CPD: variants seen among roughly 807,000 people sequenced by gnomAD.
The protein encoded by CPD is carboxypeptidase D, also known as metallocarboxypeptidase D.
Under a neutral mutation model 138.3 loss-of-function variants are expected in CPD, and 69 were observed. That is an observed-to-expected ratio of 0.50 (90% CI 0.41 to 0.61). The LOEUF is 0.61. Ranked by LOEUF, CPD falls within the 20% of genes least tolerant of loss-of-function variation. CPD has a pLI of 0.00. For missense variants in CPD, 1,432 were observed against 1,733.3 expected, an observed-to-expected ratio of 0.83 and a Z score of 3.09; for synonymous variants, 651 against 642.1, an observed-to-expected ratio of 1.01 and a Z score of -0.21.
intron 9 of CPD, 115 bp downstream of exon 9, chr17:30,439,192 G>T: frequency 1.7e-6 from 1 of 593,908 alleles, no homozygotes; most frequent in Non-Finnish European, 2.9e-6. Flanking sequence ...TTTAAAACAT[G>T]GTTTAAATAG....
chr17:30,444,925 C>A (rs1181811996), intron 11 of CPD, among the ~76,000 whole-genome samples: 2 of 151,844 alleles, frequency 1.3e-5, no homozygotes, highest in Non-Finnish European at 2.9e-5. Flanking sequence ...TGGGTTAGAA[C>A]CTCACACTAA....
rs1912448492 is a variant in CPD at position 30,427,490 on chromosome 17, C to A, written c.1949C>A (p.Pro650Gln). 1 of 1,614,108 alleles carries A rather than the reference C, an allele frequency of 6.2e-7. No individual in the cohort carries two copies. Among genetic ancestry groups the A allele is most frequent in the Non-Finnish European group, 8.5e-7 (1 of 1,180,000 alleles). Residue 650 changes from proline to glutamine, a missense_variant, in exon 7 of 21, where the codon CCA (proline) becomes CAA (glutamine). Around this residue, in one of 6 missense-constraint regions of CPD, gnomAD observed 297 missense variants for 405.3 expected, o/e 0.73. Transcript: ENST00000225719. Reference protein sequence around the residue: ...QFVQITDPTQPETIAVMSWMK... With the variant: ...QFVQITDPTQQETIAVMSWMK... ...GTTCAGATCACAGATCCTACGCAAC[C>A]AGAAACTATTGCTGTAATGAGCTGG...
intron 8 of CPD, among the ~76,000 whole-genome samples, chr17:30,433,961 G>T (rs1198991100): frequency 6.6e-6 from 1 of 152,124 alleles, no homozygotes. Flanking sequence ...AAATGAGGAA[G>T]GTGATAATTA....
At chr17:30,383,044 A>G (rs1323300944) in intron 1 of CPD, among the ~76,000 whole-genome samples, 2 of 152,220 alleles carry the variant, frequency 1.3e-5, no homozygotes, top group Admixed American at 6.5e-5. Flanking sequence ...TAGAATTACA[A>G]ACCAGAGAGT....
intron 20 of CPD, among the ~76,000 whole-genome samples, chr17:30,464,296 G>A (rs1213342982): frequency 2.0e-5 from 3 of 151,988 alleles, no homozygotes; most frequent in African/African-American, 4.8e-5. Flanking sequence ...GGCTGAGGTG[G>A]GAGGATTACA....
At chr17:30,427,637 G>A (rs918598321) in intron 7 of CPD, 79 bp downstream of exon 7, 48 of 1,304,988 alleles carry the variant, frequency 3.7e-5, no homozygotes, top group Non-Finnish European at 4.8e-5. Flanking sequence ...TCTGTTTGTA[G>A]TGTTATGCTT....
chr17:30,428,190 A>G (rs934791845), intron 7 of CPD, among the ~76,000 whole-genome samples: 1 of 152,202 alleles, frequency 6.6e-6, no homozygotes, highest in Non-Finnish European at 1.5e-5. Flanking sequence ...ATACCTCCAT[A>G]TAATTTAGCA....
chr17:30,457,522 G>A (rs1380641283), intron 17 of CPD, among the ~76,000 whole-genome samples: 2 of 152,094 alleles, frequency 1.3e-5, no homozygotes, highest in African/African-American at 2.4e-5. Context: ...GAATTGCCTG[G>A]TTATATTGTA....
chr17:30,460,922 A>G (rs181754900), intron 17 of CPD, among the ~76,000 whole-genome samples: 1 of 152,352 alleles, frequency 6.6e-6, no homozygotes, highest in Non-Finnish European at 1.5e-5. Flanking sequence ...TCTACCTGGC[A>G]CTACCAGGCA....
intron 2 of CPD, among the ~76,000 whole-genome samples, chr17:30,400,054 C>T (rs971998399): frequency 1.3e-5 from 2 of 152,006 alleles, no homozygotes; most frequent in African/African-American, 2.4e-5. Context: ...TAGAGTTGGG[C>T]CTTGTTTTTT....
At chr17:30,457,392 C>T (rs1325168381) in intron 17 of CPD, among the ~76,000 whole-genome samples, 1 of 152,054 alleles carries the variant, frequency 6.6e-6, no homozygotes, top group Non-Finnish European at 1.5e-5. Context: ...TACTTTTTGG[C>T]TGTTGCAAAT....
intron 1 of CPD, chr17:30,380,638 A>G (rs1272907358): frequency 6.6e-6 from 10 of 1,514,344 alleles, no homozygotes; most frequent in Non-Finnish European, 7.9e-6. Context: ...ATAAATATTT[A>G]TGAGGTATGT....
At chr17:30,407,869 T>C (rs1441207566) in intron 2 of CPD, among the ~76,000 whole-genome samples, 1 of 152,216 alleles carries the variant, frequency 6.6e-6, no homozygotes. Context: ...GCTTTTGGTG[T>C]TTTAGTCATG....
At chr17:30,419,611 G>A (rs1254595638) in intron 2 of CPD, among the ~76,000 whole-genome samples, 2 of 152,056 alleles carry the variant, frequency 1.3e-5, no homozygotes, top group Non-Finnish European at 2.9e-5. Context: ...AAAGTGCTAG[G>A]ATTACAGGCA....
intron 9 of CPD, among the ~76,000 whole-genome samples, chr17:30,440,616 C>G (rs1338096089): frequency 6.7e-6 from 1 of 149,222 alleles, no homozygotes. Context: ...CCAGTTTCAG[C>G]TTTCTACATA....
chr17:30,438,917 A>ATT (rs139485558), intron 8 of CPD, 58 bp from the exon 9 acceptor site: 270 of 1,024,220 alleles, frequency 2.6e-4, no homozygotes, highest in Non-Finnish European at 3.4e-4. Flanking sequence ...TCTTTCCAGT[A>ATT]TTTTTTTTTG....
At chr17:30,414,390 A>G (rs2143393468) in intron 2 of CPD, among the ~76,000 whole-genome samples, 1 of 152,240 alleles carries the variant, frequency 6.6e-6, no homozygotes, top group Middle Eastern at 3.4e-3. Flanking sequence ...CCTGGCCAAC[A>G]TGGTGAAACC....
chr17:30,469,388 C>T lies in CPD; in HGVS notation c.*4574C>T, dbSNP rs543233822. The T allele has an allele frequency of 6.6e-6, 1 of 152,284 alleles. No individual in the cohort carries two copies. Among genetic ancestry groups the T allele is most frequent in the South Asian group, 2.1e-4 (1 of 4,832 alleles). The allele number at this position is 152,284 out of a possible 1,614,324, so 9.4% of individuals were successfully genotyped here. A position where few individuals can be genotyped will look rare whatever the true frequency, so the allele number is the denominator to read the frequency against. ...GACCTTGTACAAGTTTCTTGACATT[C>T]TCTGAGCCTCAGTTTCTCTACTGGT... On this transcript the variant is annotated 3_prime_UTR_variant, in exon 21 of 21. Transcript: ENST00000225719.
chr17:30,408,431 A>G (rs1475933911), intron 2 of CPD, among the ~76,000 whole-genome samples: 1 of 152,134 alleles, frequency 6.6e-6, no homozygotes, highest in African/African-American at 2.4e-5. Context: ...GATTCTTCCT[A>G]TCCATGAGCA....
Sources: allele counts gnomAD v4.1 joint callset (sites outside exome capture counted in the v4.1 genomes callset), GRCh38; gene constraint gnomAD v4.1.1; regional missense constraint gnomAD v4.1.1; transcripts MANE v1.5; gene names NCBI Gene and HGNC (gene_info 2026-07-23, HGNC 2026-07-21).